The following ZKSCAN2 variants were observed in gnomAD, a reference collection of about 807,000 sequenced individuals.
ZKSCAN2 encodes zinc finger with KRAB and SCAN domains 2.
A neutral mutation model predicts 90.5 loss-of-function variants in ZKSCAN2; 38 were observed. The observed-to-expected ratio is 0.42, with a 90% CI of 0.32 to 0.55. ZKSCAN2 has a LOEUF of 0.55. Ranked by LOEUF, ZKSCAN2 falls within the 20% of genes least tolerant of loss-of-function variation. The pLI is 0.11. For missense variants in ZKSCAN2, 1,167 were observed against 1,202.6 expected, an observed-to-expected ratio of 0.97 and a Z score of 0.44; for synonymous variants, 429 against 421.6, an observed-to-expected ratio of 1.02 and a Z score of -0.22.
intron 4 of ZKSCAN2, among the ~76,000 whole-genome samples, chr16:25,248,197 T>G (rs1424138673): frequency 2.0e-5 from 3 of 151,392 alleles, no homozygotes; most frequent in Non-Finnish European, 4.4e-5. Context: ...GGGCAATAAT[T>G]TTTTTGGATA....
Position 25,257,203 on chromosome 16 carries a change from A to T in ZKSCAN2, c.-76T>A. On this transcript the variant is annotated 5_prime_UTR_variant, in exon 1 of 7. Transcript: ENST00000328086. ...GAAGACTCCAAGCGCTCCCTGCTTA[A>T]TGTTCCTGGGAGTGTGATAAGGTAC... 3.1e-5 allele frequency: 45 copies of T among 1,467,992 alleles called. No individual in the cohort carries two copies. The highest frequency in any genetic ancestry group is 7.4e-5 in the East Asian group (3 of 40,774). 90.9% of individuals were successfully genotyped at this position (1,467,992 alleles called of 1,614,324 possible). A position where few individuals can be genotyped will look rare whatever the true frequency, so the allele number is the denominator to read the frequency against.
At chr16:25,254,761 G>T (rs1451680859) in intron 2 of ZKSCAN2, among the ~76,000 whole-genome samples, 1 of 151,234 alleles carries the variant, frequency 6.6e-6, no homozygotes, top group African/African-American at 2.4e-5. Flanking sequence ...TCTCATAGCT[G>T]GCCCAGGCAA....
chr16:25,248,517 G>A (rs557061338), intron 4 of ZKSCAN2, among the ~76,000 whole-genome samples: 13 of 152,184 alleles, frequency 8.5e-5, no homozygotes, highest in African/African-American at 2.9e-4. Context: ...TCTTCCCAAA[G>A]AAGACATACA....
intron 3 of ZKSCAN2, 38 bp downstream of exon 3, chr16:25,252,908 A>T: frequency 2.6e-6 from 4 of 1,515,978 alleles, no homozygotes; most frequent in South Asian, 1.1e-5. Flanking sequence ...ACAGAGTGAG[A>T]CTCCATCTCA....
chr16:25,243,129 T>G (rs1160703788), intron 6 of ZKSCAN2, among the ~76,000 whole-genome samples: 2 of 152,242 alleles, frequency 1.3e-5, no homozygotes, highest in South Asian at 2.1e-4. Context: ...AACCATAAGA[T>G]ATTCTTCTTT....
intron 1 of ZKSCAN2, 76 bp downstream of exon 1, chr16:25,256,641 AGCACGTCTTTCT>A: frequency 1.4e-6 from 2 of 1,419,698 alleles, no homozygotes; most frequent in Non-Finnish European, 1.9e-6. Context: ...TTCTCTGAAG[AGCACGTCTTTCT>A]GCAATACATC....
rs529265615 is a variant in ZKSCAN2, at chr16:25,244,407, A to G, written c.1490-131T>C. 6.6e-6 allele frequency: 6 copies of G among 913,290 alleles called. No homozygotes were observed. In the South Asian group the frequency reaches 7.2e-5, roughly 11 times the overall value. 56.6% of individuals were successfully genotyped at this position (913,290 alleles called of 1,614,324 possible). ...GTGGCAACAAGAACTACATATGCCT[A>G]GGAATAAGCTTTGCAAGAAATGAGA... On this transcript the variant is annotated intron_variant, in intron 5 of 6. Transcript: ENST00000328086.
chr16:25,239,259 T>G lies in ZKSCAN2; in HGVS notation c.*557A>C, dbSNP rs1962811291. 1 of 140,612 alleles carries G rather than the reference T, an allele frequency of 7.1e-6. No individual in the cohort carries two copies. Among genetic ancestry groups the G allele is most frequent in the South Asian group, 2.2e-4 (1 of 4,448 alleles). 8.7% of individuals were successfully genotyped at this position (140,612 alleles called of 1,614,324 possible). ...TGCCCTAGCTATTTGGATCAACTTC[T>G]TGACAAAAAAAAAAAAAAAGGTACA... On this transcript the variant is annotated 3_prime_UTR_variant, in exon 7 of 7. Transcript: ENST00000328086.
rs1192882929 is a variant in ZKSCAN2, at chr16:25,239,517, GAATGTTGCCGAACTTAGCAATCCAGTT to G, written c.*272_*298del. 4.0e-6 allele frequency: 1 copy of G among 252,780 alleles called. No individual in the cohort carries two copies. Among genetic ancestry groups the G allele is most frequent in the East Asian group, 7.3e-5 (1 of 13,676 alleles). 15.7% of individuals were successfully genotyped at this position (252,780 alleles called of 1,614,324 possible). Reference sequence around the variant, plus strand: ...AACTCTCACCCATATGGAAGATCTTGAATGTTGCCGAACTTAGCAATCCAGTTGCAGTGGCCTCAATGTACTGAAGGG... The same window carrying G: ...AACTCTCACCCATATGGAAGATCTTGGCAGTGGCCTCAATGTACTGAAGGG... On this transcript the variant is annotated 3_prime_UTR_variant, in exon 7 of 7. Transcript: ENST00000328086.
chr16:25,243,130 ATTC>A (rs1470166178), intron 6 of ZKSCAN2, among the ~76,000 whole-genome samples: 1 of 152,202 alleles, frequency 6.6e-6, no homozygotes, highest in African/African-American at 2.4e-5. Context: ...ACCATAAGAT[ATTC>A]TTCTTTTGTG....
At position 25,257,652 on chromosome 16, in the gene ZKSCAN2, G is replaced by T; in HGVS notation, c.-525C>A. The T allele has an allele frequency of 3.2e-6, 1 of 311,886 alleles. No homozygotes were observed. Among genetic ancestry groups the T allele is most frequent in the Non-Finnish European group, 4.7e-6 (1 of 214,448 alleles). The allele number at this position is 311,886 out of a possible 1,614,324, so 19.3% of individuals were successfully genotyped here. On this transcript the variant is annotated 5_prime_UTR_variant, in exon 1 of 7. Coordinates refer to ENST00000328086, the MANE Select transcript of ZKSCAN2 (RefSeq NM_001012981.5). ...CTGGGGCCGCCGGATTCCGAGAGCG[G>T]CGCCGGGCTCTTTCGGGCCCACGAC...
At chr16:25,253,579 C>G (rs991948884) in intron 2 of ZKSCAN2, among the ~76,000 whole-genome samples, 1 of 152,180 alleles carries the variant, frequency 6.6e-6, no homozygotes, top group African/African-American at 2.4e-5. Context: ...CTGGGTAAAT[C>G]AGACAGACTT....
In ZKSCAN2 at chr16:25,244,078, T is replaced by A; in HGVS notation, c.1688A>T (p.Lys563Met). Residue 563 changes from lysine (K) to methionine (M), a missense_variant, in exon 6 of 7, where the codon AAG becomes ATG. Transcript: ENST00000328086. ...KFKSLQKSYR[K>M]VKNGHVLESC... ...CTCTAGCACGTGGCCATTTTTCACCTTGCGGTAACTCTTCTGAAGGCTTTT... is the reference window on the plus strand; with the variant it reads ...CTCTAGCACGTGGCCATTTTTCACCATGCGGTAACTCTTCTGAAGGCTTTT... 6.2e-7 allele frequency: 1 copy of A among 1,614,208 alleles called. No individual in the cohort carries two copies. Among genetic ancestry groups the A allele is most frequent in the South Asian group, 1.1e-5 (1 of 91,078 alleles).
rs758086707 is a variant in ZKSCAN2 at position 25,246,007 on chromosome 16, C to T, written c.1489+700G>A. ...CTACTGTCACACAGTTATTAATTGG[C>T]GATTTAATTCTGCATGTCTCAGTCA... is the stretch of plus-strand genomic sequence containing the variant. On this transcript the variant is annotated intron_variant, in intron 5 of 6. Transcript: ENST00000328086. Among the ~76,000 whole-genome samples the T allele has an allele frequency of 3.3e-5, 5 of 152,066 alleles. No homozygotes were observed. In the East Asian group the frequency reaches 5.8e-4, roughly 18 times the overall value.
intron 2 of ZKSCAN2, among the ~76,000 whole-genome samples, 168 bp downstream of exon 2, chr16:25,255,038 C>A (rs1454023972): frequency 2.6e-5 from 4 of 151,594 alleles, no homozygotes; most frequent in Non-Finnish European, 5.9e-5. Flanking sequence ...CTTTATGATA[C>A]CTTTTCACTT....
intron 5 of ZKSCAN2, 118 bp from the exon 6 acceptor site, chr16:25,244,394 A>G: frequency 9.6e-7 from 1 of 1,037,044 alleles, no homozygotes; most frequent in Non-Finnish European, 1.4e-6. Context: ...GGCAACAAGA[A>G]CTACATATGC....
chr16:25,240,648 T>C lies in ZKSCAN2; in HGVS notation c.2072A>G (p.Lys691Arg), dbSNP rs143690617. Reference protein sequence around the residue: ...EQHRALIEKSKRVVSQSTDPS... With the variant: ...EQHRALIEKSRRVVSQSTDPS... ...GTCGGTACTCTGGGAAACAACTCTTTTAGACTTTTCTATTAATGCCCTATG... is the reference window on the plus strand; with the variant it reads ...GTCGGTACTCTGGGAAACAACTCTTCTAGACTTTTCTATTAATGCCCTATG... Residue 691 changes from lysine (K) to arginine (R), a missense_variant, in exon 7 of 7, where the codon AAA becomes AGA. Physicochemically the swap from Lys to Arg is conservative, Grantham distance 26. Transcript: ENST00000328086. 7.4e-6 allele frequency: 12 copies of C among 1,614,094 alleles called. No homozygotes were observed. In the Admixed American group the frequency reaches 8.3e-5, roughly 11 times the overall value.
Position 25,257,369 on chromosome 16 carries a change from A to C in ZKSCAN2, c.-242T>G. 8.0e-7 allele frequency: 1 copy of C among 1,249,272 alleles called. No homozygotes were observed. Among genetic ancestry groups the C allele is most frequent in the Non-Finnish European group, 1.0e-6 (1 of 997,128 alleles). 77.4% of individuals were successfully genotyped at this position (1,249,272 alleles called of 1,614,324 possible). A position where few individuals can be genotyped will look rare whatever the true frequency, so the allele number is the denominator to read the frequency against. On this transcript the variant is annotated 5_prime_UTR_variant, in exon 1 of 7. Coordinates refer to ENST00000328086, the MANE Select transcript of ZKSCAN2 (RefSeq NM_001012981.5). ...TCTCCAAACAAGATGTGACCGCGCA[A>C]TGTGGTTTTCCAGAGTGCATCCCTC...
rs1432083134 is a variant in ZKSCAN2, at chr16:25,240,148, G to C, written c.2572C>G (p.Pro858Ala). The C allele has an allele frequency of 1.2e-6, 2 of 1,613,964 alleles. No homozygotes were observed. The highest frequency in any genetic ancestry group is 2.2e-5 in the East Asian group (1 of 44,886). Reference sequence around the variant, plus strand: ...TTCCCACACTCTCCACACTGATAGGGCTTCTCACCGGTGTGCGTTCTCTGA... The same window carrying C: ...TTCCCACACTCTCCACACTGATAGGCCTTCTCACCGGTGTGCGTTCTCTGA... Reference protein sequence around the residue: ...IHQRTHTGEKPYQCGECGKSF... With the variant: ...IHQRTHTGEKAYQCGECGKSF... The change falls in exon 7 of 7, where the codon CCC (proline) becomes GCC (alanine). Residue 858 changes from proline to alanine, a missense_variant. Coordinates refer to ENST00000328086, the MANE Select transcript of ZKSCAN2 (RefSeq NM_001012981.5).
Sources: allele counts gnomAD v4.1 joint callset (sites outside exome capture counted in the v4.1 genomes callset), GRCh38; gene constraint gnomAD v4.1.1; transcripts MANE v1.5; gene names NCBI Gene and HGNC (gene_info 2026-07-23, HGNC 2026-07-21).